The following TRAK2 variants were observed in gnomAD, a reference collection of about 807,000 sequenced individuals.
TRAK2 encodes the protein trafficking kinesin-binding protein 2.
A neutral mutation model predicts 104.6 loss-of-function variants in TRAK2; 81 were observed. The observed-to-expected ratio is 0.77, with a 90% CI of 0.65 to 0.93. The LOEUF (loss-of-function observed/expected upper bound fraction) is 0.93, where lower values mean the gene tolerates loss of function less well. Among genes scored for constraint, TRAK2 ranks in the 40% least tolerant of loss-of-function variants. The pLI is 0.00. For missense variants in TRAK2, 1,002 were observed against 1,089.0 expected (o/e 0.92, Z 1.12); for synonymous variants, 406 against 394.4 (o/e 1.03, Z -0.35).
rs1951309061 is a variant in TRAK2 at position 201,378,552 on chromosome 2, A to G, written c.*1991T>C. The G allele has an allele frequency of 6.6e-6, 1 of 152,216 alleles. No homozygotes were observed. Among genetic ancestry groups the G allele is most frequent in the South Asian group, 2.1e-4 (1 of 4,836 alleles). 9.4% of individuals were successfully genotyped at this position (152,216 alleles called of 1,614,324 possible). On this transcript the variant is annotated 3_prime_UTR_variant, in exon 16 of 16. Transcript: ENST00000332624. ...GTAAGCACCCCAGAGTCACTTTATG[A>G]AATACAAATTCAAATGGTATTTTTT...
chr2:201,397,706 G>A (rs1367526326), intron 6 of TRAK2, 126 bp from the exon 7 acceptor site: 1 of 677,118 alleles, frequency 1.5e-6, no homozygotes, highest in East Asian at 2.7e-5. Context: ...CCAACAACCT[G>A]TTCATACATC....
intron 1 of TRAK2, among the ~76,000 whole-genome samples, chr2:201,428,026 T>TC (rs1951805573): frequency 6.6e-6 from 1 of 152,228 alleles, no homozygotes; most frequent in African/African-American, 2.4e-5. Context: ...TTGATTTTTT[T>TC]CTTGTAAATT....
chr2:201,411,835 G>A (rs1951649871), intron 2 of TRAK2: 2 of 850,622 alleles, frequency 2.4e-6, no homozygotes, highest in South Asian at 2.7e-5. Flanking sequence ...GACATTTGTA[G>A]ACAGGCATTT....
chr2:201,420,819 G>T (rs1052357187), intron 1 of TRAK2, 113 bp from the exon 2 acceptor site: 3 of 211,498 alleles, frequency 1.4e-5, no homozygotes, highest in Admixed American at 1.1e-4. Flanking sequence ...ATACAACATG[G>T]ATAAATCTCA....
Position 201,401,097 on chromosome 2 carries a change from AAT to A in TRAK2, c.287-5_287-4del. ...CTCCACCCTGTCTGTGCCTAGAACT[AAT>A]ATAGTTAAAAACAACTATTTATAGG... On this transcript the variant is annotated splice_region_variant and splice_polypyrimidine_tract_variant and intron_variant, in intron 3 of 15. Coordinates refer to ENST00000332624, the MANE Select transcript of TRAK2 (RefSeq NM_015049.3). 1 of 1,594,306 alleles carries A rather than the reference AAT, an allele frequency of 6.3e-7. No homozygotes were observed. Among genetic ancestry groups the A allele is most frequent in the Non-Finnish European group, 8.6e-7 (1 of 1,167,890 alleles).
rs745314975 is a variant in TRAK2, at chr2:201,395,346, G to T, written c.868C>A (p.Gln290Lys). 5.0e-6 allele frequency: 8 copies of T among 1,606,222 alleles called. No homozygotes were observed. In the South Asian group the frequency reaches 8.9e-5, roughly 18 times the overall value. ...AGTTTGTGCTGAAGGTCTACAATCTGTGACAAAAGAGAGGAAAGCTCTTCT... is the reference window on the plus strand; with the variant it reads ...AGTTTGTGCTGAAGGTCTACAATCTTTGACAAAAGAGAGGAAAGCTCTTCT... ...YQEELSSLLS[Q>K]IVDLQHKLKE... is the part of the protein sequence containing the mutation. The change falls in exon 8 of 16, where the codon CAG becomes AAG. Residue 290 changes from glutamine to lysine, a missense_variant. Gln to Lys is a moderately conservative substitution (Grantham distance 53, BLOSUM62 1). Coordinates refer to ENST00000332624, the MANE Select transcript of TRAK2 (RefSeq NM_015049.3).
chr2:201,413,346 C>T (rs1011823790), intron 2 of TRAK2: 13 of 956,484 alleles, frequency 1.4e-5, no homozygotes, highest in Non-Finnish European at 1.9e-5. Context: ...CCTTTTCCCT[C>T]TCCTTCCAGG....
In TRAK2 at chr2:201,398,258, T is replaced by C. The variant is rs528934952; in HGVS notation, c.577A>G (p.Thr193Ala). Residue 193 changes from threonine to alanine, a missense_variant, in exon 6 of 16, where the codon ACA becomes GCA. By Grantham distance (58) the Thr-to-Ala change is moderately conservative (BLOSUM62 0). Coordinates refer to ENST00000332624, the MANE Select transcript of TRAK2 (RefSeq NM_015049.3). Reference sequence around the variant, plus strand: ...AAGGACTCATTGAACCGAAGAGGTGTAGAACAGCTGGAATCAGTTTCACTT... The same window carrying C: ...AAGGACTCATTGAACCGAAGAGGTGCAGAACAGCTGGAATCAGTTTCACTT... ...EESETDSSCSTPLRFNESFSL... is the reference protein window; with the variant it reads ...EESETDSSCSAPLRFNESFSL... The C allele has an allele frequency of 1.9e-6, 3 of 1,613,782 alleles. No homozygotes were observed. Among genetic ancestry groups the C allele is most frequent in the South Asian group, 2.2e-5 (2 of 91,060 alleles).
At position 201,389,821 on chromosome 2, in the gene TRAK2, T is replaced by C; in HGVS notation, c.1173A>G (p.Glu391=). 1 of 1,613,404 alleles carries C rather than the reference T, an allele frequency of 6.2e-7. No homozygotes were observed. The highest frequency in any genetic ancestry group is 8.5e-7 in the Non-Finnish European group (1 of 1,179,698). ...TMRKKLSLDE[E]SSLFKQKAQQ... ...CTTACTTTTGTTTAAAGAGAGAAGATTCCTCATCCAAACTCAGCTTTTTAC... is the reference window on the plus strand; with the variant it reads ...CTTACTTTTGTTTAAAGAGAGAAGACTCCTCATCCAAACTCAGCTTTTTAC... The change falls in exon 11 of 16, where the codon GAA becomes GAG. Residue 391 remains glutamate, a synonymous_variant. Coordinates refer to ENST00000332624, the MANE Select transcript of TRAK2 (RefSeq NM_015049.3).
chr2:201,430,808 T>A (rs151140682), intron 1 of TRAK2, among the ~76,000 whole-genome samples: 1,955 of 152,336 alleles, frequency 0.013, 42 homozygotes, highest in African/African-American at 0.044. Context: ...CTGCTTTGGC[T>A]CACCCTCCGC....
At chr2:201,397,054 A>C (rs376542944) in intron 7 of TRAK2, among the ~76,000 whole-genome samples, 3 of 152,210 alleles carry the variant, frequency 2.0e-5, no homozygotes, top group East Asian at 3.8e-4. Context: ...AAATTGGTTA[A>C]CATTACCTCA....
At chr2:201,432,653 T>C (rs988142943) in intron 1 of TRAK2, among the ~76,000 whole-genome samples, 2 of 152,210 alleles carry the variant, frequency 1.3e-5, no homozygotes, top group Non-Finnish European at 2.9e-5. Flanking sequence ...CAGAACTAAT[T>C]GGTCAACAGT....
At chr2:201,423,956 T>C (rs1371499921) in intron 1 of TRAK2, among the ~76,000 whole-genome samples, 2 of 152,200 alleles carry the variant, frequency 1.3e-5, no homozygotes, top group East Asian at 1.9e-4. Flanking sequence ...GAAGTAAAAC[T>C]CTAATATATT....
At chr2:201,414,593 A>G (rs968233834) in intron 2 of TRAK2, among the ~76,000 whole-genome samples, 2 of 152,210 alleles carry the variant, frequency 1.3e-5, no homozygotes, top group South Asian at 4.1e-4. Context: ...GATCACCACA[A>G]TGAGATAGAG....
At chr2:201,403,549 A>G (rs930036311) in intron 3 of TRAK2, among the ~76,000 whole-genome samples, 3 of 152,194 alleles carry the variant, frequency 2.0e-5, no homozygotes, top group Non-Finnish European at 4.4e-5. Flanking sequence ...AATGCATGTT[A>G]TATAATAAAA....
At chr2:201,427,532 G>T (rs6724746) in intron 1 of TRAK2, among the ~76,000 whole-genome samples, 107,881 of 152,060 alleles carry the variant, frequency 0.71, 38,559 homozygotes, top group South Asian at 0.88. Context: ...TAGTATTCCA[G>T]AGTGTATATG....
chr2:201,423,512 C>T (rs1951760906), intron 1 of TRAK2: 1 of 152,114 alleles, frequency 6.6e-6, no homozygotes, highest in Admixed American at 6.5e-5. Context: ...TCATCAATTA[C>T]AGCTGGTTCG....
chr2:201,428,597 T>C (rs992785498), intron 1 of TRAK2, among the ~76,000 whole-genome samples: 9 of 152,242 alleles, frequency 5.9e-5, no homozygotes, highest in Admixed American at 5.2e-4. Flanking sequence ...TGAAGTCAGG[T>C]AGCATGATGC....
At position 201,401,058 on chromosome 2, in the gene TRAK2, G is replaced by A. The variant is rs746382293; in HGVS notation, c.323C>T (p.Thr108Ile). ...GTDRVEQMTK[T>I]YNDIDMVTHL... Reference sequence around the variant, plus strand: ...TGTAACCATGTCGATGTCATTGTAAGTTTTGGTCATCTGCTCCACCCTGTC... The same window carrying A: ...TGTAACCATGTCGATGTCATTGTAAATTTTGGTCATCTGCTCCACCCTGTC... Residue 108 changes from threonine (T) to isoleucine (I), a missense_variant, in exon 4 of 16, where the codon ACT becomes ATT. Transcript: ENST00000332624. 4.3e-6 allele frequency: 7 copies of A among 1,611,324 alleles called. No individual in the cohort carries two copies. Among genetic ancestry groups the A allele is most frequent in the Admixed American group, 1.7e-5 (1 of 59,920 alleles).
Sources: gnomAD v4.1 joint callset for allele counts (sites outside exome capture counted in the v4.1 genomes callset) on GRCh38, gnomAD v4.1.1 for gene constraint, MANE v1.5 for transcripts, NCBI Gene and HGNC (gene_info 2026-07-23, HGNC 2026-07-21) for gene names.